GJB5: variants seen among roughly 807,000 people sequenced by gnomAD.
GJB5 encodes gap junction beta-5 protein.
For synonymous variants in GJB5, 146 were observed against 145.5 expected (o/e 1.00, Z -0.02); for missense variants, 333 against 357.9 (o/e 0.93, Z 0.56).
chr1:34,755,475 T>G (rs1365575694), intron 1 of GJB5, among the ~76,000 whole-genome samples: 1 of 151,374 alleles, frequency 6.6e-6, no homozygotes, highest in East Asian at 2.0e-4. Context: ...TGAGAGCCCC[T>G]GGGGCTAAGG....
chr1:34,757,762 C>T lies in GJB5; in HGVS notation c.432C>T (p.Ala144=). ...TGTTCAAGGCGAGCGTGGACATCGC[C>T]TTTCTCTATGTGTTCCACTCATTCT... ...SLVFKASVDI[A]FLYVFHSFYP... The change falls in exon 2 of 2, where the codon GCC becomes GCT. Residue 144 remains alanine (A), a synonymous_variant. Transcript: ENST00000338513. The T allele has an allele frequency of 6.2e-7, 1 of 1,614,026 alleles. No individual in the cohort carries two copies. Among genetic ancestry groups the T allele is most frequent in the Non-Finnish European group, 8.5e-7 (1 of 1,180,016 alleles).
intron 1 of GJB5, among the ~76,000 whole-genome samples, chr1:34,755,600 C>T (rs1639567202): frequency 1.3e-5 from 2 of 152,238 alleles, no homozygotes; most frequent in Admixed American, 6.5e-5. Context: ...CCCCCACCTC[C>T]ACCCATCCCC....
Position 34,757,811 on chromosome 1 carries a change from G to A in GJB5, c.481G>A (p.Val161Met), listed in dbSNP as rs1318683959. The change falls in exon 2 of 2, where the codon GTG (valine) becomes ATG (methionine). Residue 161 changes from valine (V) to methionine (M), a missense_variant. Transcript: ENST00000338513. ...CTACCCCAAATATATCCTCCCTCCT[G>A]TGGTCAAGTGCCACGCAGATCCATG... The part of the protein sequence containing the change: ...SFYPKYILPP[V>M]VKCHADPCPN... The A allele has an allele frequency of 3.7e-6, 6 of 1,613,796 alleles. No individual in the cohort carries two copies. The highest frequency in any genetic ancestry group is 2.2e-5 in the South Asian group (2 of 91,074).
Position 34,757,965 on chromosome 1 carries a change from G to C in GJB5, c.635G>C (p.Arg212Thr), listed in dbSNP as rs781047423. The C allele has an allele frequency of 1.2e-6, 2 of 1,614,040 alleles. No homozygotes were observed. The highest frequency in any genetic ancestry group is 2.2e-5 in the South Asian group (2 of 91,072). Residue 212 changes from arginine to threonine, a missense_variant, in exon 2 of 2, where the codon AGA (arginine) becomes ACA (threonine). Transcript: ENST00000338513. ...LVELIYLVSK[R>T]CHECLAARKA... ...GAGCTCATCTACCTGGTGAGCAAGA[G>C]ATGCCACGAGTGCCTGGCAGCAAGG...
rs1191478539 is a variant in GJB5, at chr1:34,757,672, G to T, written c.342G>T (p.Gly114=). 2 of 1,614,018 alleles carry T rather than the reference G, an allele frequency of 1.2e-6. No homozygotes were observed. Among genetic ancestry groups the T allele is most frequent in the Non-Finnish European group, 1.7e-6 (2 of 1,180,008 alleles). Residue 114 remains glycine, a synonymous_variant, in exon 2 of 2, where the codon GGG becomes GGT. Coordinates refer to ENST00000338513, the MANE Select transcript of GJB5 (RefSeq NM_005268.4). ...GAGAAGCCCATGGGGAGAACAGTGG[G>T]CGCCTCTACCTGAACCCCGGCAAGA... ...RHREAHGENS[G]RLYLNPGKKR...
At position 34,757,605 on chromosome 1, in the gene GJB5, T is replaced by C. The variant is rs373337022; in HGVS notation, c.275T>C (p.Val92Ala). The C allele has an allele frequency of 1.2e-6, 2 of 1,613,918 alleles. No individual in the cohort carries two copies. Among genetic ancestry groups the C allele is most frequent in the African/African-American group, 2.7e-5 (2 of 74,878 alleles). The part of the protein sequence containing the change: ...ILVTCPSLLV[V>A]MHVAYREVQE... ...GTGACATGCCCCTCACTGCTCGTGG[T>C]CATGCACGTGGCCTACCGGGAGGTT... The change falls in exon 2 of 2, where the codon GTC (valine) becomes GCC (alanine). Residue 92 changes from valine (V) to alanine (A), a missense_variant. Coordinates refer to ENST00000338513, the MANE Select transcript of GJB5 (RefSeq NM_005268.4).
In GJB5 at chr1:34,758,193, G is replaced by C. The variant is rs770436565; in HGVS notation, c.*41G>C. The C allele has an allele frequency of 6.7e-7, 1 of 1,498,786 alleles. No homozygotes were observed. Among genetic ancestry groups the C allele is most frequent in the African/African-American group, 1.4e-5 (1 of 72,498 alleles). The allele number at this position is 1,498,786 out of a possible 1,614,324, so 92.8% of individuals were successfully genotyped here. On this transcript the variant is annotated 3_prime_UTR_variant, in exon 2 of 2. Transcript: ENST00000338513. ...GGTCTGGCAGGTTGGGCCTGGATGG[G>C]GAGGCTCTAGCATCTCTCATAGGTG...
intron 1 of GJB5, among the ~76,000 whole-genome samples, chr1:34,755,396 C>T (rs1048124782): frequency 3.3e-5 from 5 of 152,184 alleles, no homozygotes; most frequent in Admixed American, 3.3e-4. Flanking sequence ...GGAAGCTCAG[C>T]AGGCAGGGTA....
chr1:34,755,637 G>A (rs1639568302), intron 1 of GJB5, among the ~76,000 whole-genome samples: 1 of 151,878 alleles, frequency 6.6e-6, no homozygotes, highest in Admixed American at 6.6e-5. Flanking sequence ...GTGGTGTGGA[G>A]ACAGGGTGGT....
intron 1 of GJB5, among the ~76,000 whole-genome samples, chr1:34,755,722 A>ACAGG (rs913530534): frequency 1.3e-5 from 2 of 152,128 alleles, no homozygotes; most frequent in Non-Finnish European, 2.9e-5. Context: ...CTGCACACAA[A>ACAGG]CAGGCAGGCA....
At position 34,757,550 on chromosome 1, in the gene GJB5, G is replaced by A. The variant is rs747956342; in HGVS notation, c.220G>A (p.Val74Met). The change falls in exon 2 of 2, where the codon GTG becomes ATG. Residue 74 changes from valine to methionine, a missense_variant. Val to Met is a conservative substitution (Grantham distance 21). Transcript: ENST00000338513. Reference protein sequence around the residue: ...CFDEFFPVSHVRLWALQLILV... With the variant: ...CFDEFFPVSHMRLWALQLILV... ...TGATGAGTTCTTCCCTGTGTCCCAT[G>A]TGCGCCTCTGGGCCCTGCAGCTTAT... The A allele has an allele frequency of 5.0e-6, 8 of 1,614,160 alleles. No individual in the cohort carries two copies. The highest frequency in any genetic ancestry group is 1.1e-5 in the South Asian group (1 of 91,072).
In GJB5 at chr1:34,755,874, C is replaced by T. The variant is rs371423736; in HGVS notation, c.-25+679C>T. Among the ~76,000 whole-genome samples, 3 of 152,368 alleles carry T rather than the reference C, an allele frequency of 2.0e-5. No individual in the cohort carries two copies. The East Asian group carries it at 5.8e-4, about 29-fold the overall frequency. ...TGACGTTGAGCAAGTTAATTAATCC[C>T]TCTGTGTTCCTCTTTCCTCATCTGT... On this transcript the variant is annotated intron_variant, in intron 1 of 1. Transcript: ENST00000338513.
Position 34,758,174 on chromosome 1 carries a change from G to T in GJB5, c.*22G>T. On this transcript the variant is annotated 3_prime_UTR_variant, in exon 2 of 2. Transcript: ENST00000338513. Reference sequence around the variant, plus strand: ...GTGAGGGGCTGCCTGGACTGGTCTGGCAGGTTGGGCCTGGATGGGGAGGCT... The same window carrying T: ...GTGAGGGGCTGCCTGGACTGGTCTGTCAGGTTGGGCCTGGATGGGGAGGCT... 6.3e-7 allele frequency: 1 copy of T among 1,593,214 alleles called. No individual in the cohort carries two copies. Among genetic ancestry groups the T allele is most frequent in the Non-Finnish European group, 8.6e-7 (1 of 1,163,230 alleles).
Position 34,757,345 on chromosome 1 carries a change from C to G in GJB5, c.15C>G (p.Ile5Met). Residue 5 changes from isoleucine to methionine, a missense_variant, in exon 2 of 2, where the codon ATC becomes ATG. Transcript: ENST00000338513. ...GTGGGTCCACCATGAACTGGAGTAT[C>G]TTTGAGGGACTCCTGAGTGGGGTCA... is the stretch of plus-strand genomic sequence containing the variant. Reference protein sequence around the residue: MNWSIFEGLLSGVNK... With the variant: MNWSMFEGLLSGVNK... 1 of 1,613,216 alleles carries G rather than the reference C, an allele frequency of 6.2e-7. No individual in the cohort carries two copies. The highest frequency in any genetic ancestry group is 8.5e-7 in the Non-Finnish European group (1 of 1,179,194).
In GJB5 at chr1:34,758,271, G is replaced by A. The variant is rs1021124040; in HGVS notation, c.*119G>A. ...TGAGGTAGGGGCAGGCAAGAGAGAG[G>A]ATTCAGACGCTCTGGGAGCCAGTTC... is the stretch of plus-strand genomic sequence containing the variant. On this transcript the variant is annotated 3_prime_UTR_variant, in exon 2 of 2. Transcript: ENST00000338513. 10 of 761,404 alleles carry A rather than the reference G, an allele frequency of 1.3e-5. No homozygotes were observed. In the African/African-American group the frequency reaches 1.8e-4, roughly 13 times the overall value. The allele number at this position is 761,404 out of a possible 1,614,324, so 47.2% of individuals were successfully genotyped here.
chr1:34,758,368 G>A lies in GJB5; in HGVS notation c.*216G>A, dbSNP rs886702119. On this transcript the variant is annotated 3_prime_UTR_variant, in exon 2 of 2. Coordinates refer to ENST00000338513, the MANE Select transcript of GJB5 (RefSeq NM_005268.4). ...CAGTTCCCCCTCTGCTCTGCAGCTC[G>A]GTTTCCTTTTCTAGAATGGAAATAG... is the stretch of plus-strand genomic sequence containing the variant. The A allele has an allele frequency of 4.9e-5, 29 of 596,598 alleles. No homozygotes were observed. Among genetic ancestry groups the A allele is most frequent in the East Asian group, 1.1e-4 (4 of 35,434 alleles). The allele number at this position is 596,598 out of a possible 1,614,324, so 37.0% of individuals were successfully genotyped here.
chr1:34,757,568 C>A lies in GJB5; in HGVS notation c.238C>A (p.Gln80Lys). The change falls in exon 2 of 2, where the codon CAG becomes AAG. Residue 80 changes from glutamine (Q) to lysine (K), a missense_variant. By Grantham distance (53) the Gln-to-Lys change is moderately conservative (BLOSUM62 1). Transcript: ENST00000338513. ...PVSHVRLWAL[Q>K]LILVTCPSLL... ...GTCCCATGTGCGCCTCTGGGCCCTG[C>A]AGCTTATCCTGGTGACATGCCCCTC... The A allele has an allele frequency of 8.7e-6, 14 of 1,614,146 alleles. No individual in the cohort carries two copies. The highest frequency in any genetic ancestry group is 1.2e-5 in the Non-Finnish European group (14 of 1,180,020).
In GJB5 at chr1:34,758,060, CT is replaced by C. The variant is rs1390589784; in HGVS notation, c.733del (p.Ser245ArgfsTer24). On this transcript the variant is annotated frameshift_variant, in exon 2 of 2. Transcript: ENST00000338513. LOFTEE classifies it high-confidence loss of function. Reference sequence around the variant, plus strand: ...CTCTTCCTGCAAACAAGACGACCTCCTTTCGGGTGACCTCATCTTTCTGGGC... The same window carrying C: ...CTCTTCCTGCAAACAAGACGACCTCCTTCGGGTGACCTCATCTTTCTGGGC... ...TTSSCKQDDL[L>X]SGDLIFLGSD... 1 of 1,614,074 alleles carries C rather than the reference CT, an allele frequency of 6.2e-7. No individual in the cohort carries two copies. Among genetic ancestry groups the C allele is most frequent in the South Asian group, 1.1e-5 (1 of 91,070 alleles).
At position 34,757,703 on chromosome 1, in the gene GJB5, G is replaced by A. The variant is rs1186367888; in HGVS notation, c.373G>A (p.Gly125Ser). The change falls in exon 2 of 2, where the codon GGT (glycine) becomes AGT (serine). Residue 125 changes from glycine (G) to serine (S), a missense_variant. By Grantham distance (56) the Gly-to-Ser change is moderately conservative (BLOSUM62 0). Coordinates refer to ENST00000338513, the MANE Select transcript of GJB5 (RefSeq NM_005268.4). The part of the protein sequence containing the change: ...RLYLNPGKKR[G>S]GLWWTYVCSL... ...CTACCTGAACCCCGGCAAGAAGCGG[G>A]GTGGGCTCTGGTGGACATATGTCTG... 1 of 1,613,974 alleles carries A rather than the reference G, an allele frequency of 6.2e-7. No homozygotes were observed. Among genetic ancestry groups the A allele is most frequent in the Admixed American group, 1.7e-5 (1 of 60,002 alleles).
Sources: gnomAD v4.1 joint callset for allele counts (sites outside exome capture counted in the v4.1 genomes callset) on GRCh38, gnomAD v4.1.1 for gene constraint, MANE v1.5 for transcripts, NCBI Gene and HGNC (gene_info 2026-07-23, HGNC 2026-07-21) for gene names.